Variants in EVI5 observed in about 807,000 individuals in gnomAD.
The protein encoded by EVI5 is ecotropic viral integration site 5.
A neutral mutation model predicts 112.0 loss-of-function variants in EVI5; 73 were observed. The ratio of observed to expected loss-of-function variants is 0.65; its 90% confidence interval spans 0.54 to 0.79. The LOEUF is 0.79. Among genes scored for constraint, EVI5 ranks in the 30% least tolerant of loss-of-function variants. EVI5 has a pLI of 0.00. For synonymous variants in EVI5, 305 were observed against 319.9 expected, an observed-to-expected ratio of 0.95 and a Z score of 0.50; for missense variants, 900 against 968.8, an observed-to-expected ratio of 0.93 and a Z score of 0.94.
chr1:92,772,740 T>C (rs975353054), intron 1 of EVI5, among the ~76,000 whole-genome samples: 17 of 151,656 alleles, frequency 1.1e-4, no homozygotes, highest in African/African-American at 3.9e-4. Flanking sequence ...ACCCTGTCTC[T>C]ACTAAAAATA....
chr1:92,652,652 C>T (rs1191402653), intron 13 of EVI5, among the ~76,000 whole-genome samples: 1 of 152,194 alleles, frequency 6.6e-6, no homozygotes, highest in East Asian at 1.9e-4. Context: ...TATCCATCAA[C>T]AGACAAACGG....
At chr1:92,543,858 T>C (rs561552638) in intron 19 of EVI5, among the ~76,000 whole-genome samples, 1 of 152,312 alleles carries the variant, frequency 6.6e-6, no homozygotes, top group Non-Finnish European at 1.5e-5. Flanking sequence ...ACTTGCTCAA[T>C]GCAGGATTGC....
In EVI5 at chr1:92,605,301, T is replaced by C. The variant is rs762625806; in HGVS notation, c.2070+6A>G. The C allele has an allele frequency of 6.3e-7, 1 of 1,578,460 alleles. No individual in the cohort carries two copies. Among genetic ancestry groups the C allele is most frequent in the East Asian group, 2.2e-5 (1 of 44,730 alleles). On this transcript the variant is annotated splice_donor_region_variant and intron_variant, in intron 18 of 19. Transcript: ENST00000684568. ...TTACATGTACTTTATTATTTTCATATGGTACCTGGATTTCAAGCTCAGCAA... is the reference window on the plus strand; with the variant it reads ...TTACATGTACTTTATTATTTTCATACGGTACCTGGATTTCAAGCTCAGCAA...
At chr1:92,588,544 A>G (rs1339102570) in intron 18 of EVI5, among the ~76,000 whole-genome samples, 1 of 152,174 alleles carries the variant, frequency 6.6e-6, no homozygotes, top group Non-Finnish European at 1.5e-5. Context: ...CATCCCTAAT[A>G]CCAATATCTT....
chr1:92,590,189 A>G (rs896688931), intron 18 of EVI5, among the ~76,000 whole-genome samples: 1 of 152,222 alleles, frequency 6.6e-6, no homozygotes, highest in Non-Finnish European at 1.5e-5. Context: ...AAAACTGAAA[A>G]TTCTAAAAAG....
At chr1:92,590,472 A>G (rs1262908068) in intron 18 of EVI5, among the ~76,000 whole-genome samples, 1 of 152,240 alleles carries the variant, frequency 6.6e-6, no homozygotes, top group Admixed American at 6.5e-5. Context: ...ATGAACGCAC[A>G]AGCCTCAGTA....
At chr1:92,623,923 T>C (rs1655105658) in intron 16 of EVI5, among the ~76,000 whole-genome samples, 1 of 152,252 alleles carries the variant, frequency 6.6e-6, no homozygotes, top group African/African-American at 2.4e-5. Flanking sequence ...AACAGGGCAA[T>C]GCTATGAGTT....
intron 19 of EVI5, among the ~76,000 whole-genome samples, chr1:92,545,080 C>G (rs1429167561): frequency 6.6e-6 from 1 of 152,052 alleles, no homozygotes; most frequent in Non-Finnish European, 1.5e-5. Flanking sequence ...CTACAGACTC[C>G]CAACCACAAT....
intron 2 of EVI5, among the ~76,000 whole-genome samples, chr1:92,715,554 C>G (rs1178772110): frequency 6.6e-6 from 1 of 152,166 alleles, no homozygotes; most frequent in Non-Finnish European, 1.5e-5. Flanking sequence ...ACGCAGAAGA[C>G]GGGTGATTTC....
chr1:92,648,892 T>G (rs1035175749), intron 13 of EVI5, among the ~76,000 whole-genome samples: 2 of 152,210 alleles, frequency 1.3e-5, no homozygotes, highest in African/African-American at 4.8e-5. Context: ...TACCTCTGAG[T>G]TGAATAGCAG....
At chr1:92,730,736 A>G (rs995218199) in intron 2 of EVI5, among the ~76,000 whole-genome samples, 6 of 151,800 alleles carry the variant, frequency 4.0e-5, no homozygotes, top group African/African-American at 1.5e-4. Flanking sequence ...GGCCATATCC[A>G]AAAAATACAG....
At chr1:92,610,117 G>A (rs986828041) in intron 16 of EVI5, among the ~76,000 whole-genome samples, 4 of 152,052 alleles carry the variant, frequency 2.6e-5, no homozygotes, top group African/African-American at 9.7e-5. Flanking sequence ...GAACTCCTGA[G>A]CCCAAGTGAT....
intron 19 of EVI5, among the ~76,000 whole-genome samples, chr1:92,527,773 T>C (rs1281486267): frequency 6.6e-6 from 1 of 152,250 alleles, no homozygotes; most frequent in Admixed American, 6.5e-5. Context: ...CAGCATTGTC[T>C]GTGAGATTCA....
chr1:92,693,003 T>C (rs947963644), intron 9 of EVI5, among the ~76,000 whole-genome samples: 2 of 152,196 alleles, frequency 1.3e-5, no homozygotes, highest in Non-Finnish European at 2.9e-5. Flanking sequence ...AGAGACTTTA[T>C]TTTGAACTTT....
intron 2 of EVI5, among the ~76,000 whole-genome samples, chr1:92,713,416 T>C (rs1324549087): frequency 6.6e-6 from 1 of 151,686 alleles, no homozygotes; most frequent in African/African-American, 2.4e-5. Context: ...ATACATAAAT[T>C]AAGTTTTCAA....
intron 19 of EVI5, among the ~76,000 whole-genome samples, chr1:92,540,223 C>T (rs915542740): frequency 2.6e-5 from 4 of 152,184 alleles, no homozygotes; most frequent in African/African-American, 9.6e-5. Flanking sequence ...ACTGCTAGGT[C>T]ATATAGCAAC....
chr1:92,645,536 C>T (rs1028658075), intron 13 of EVI5, among the ~76,000 whole-genome samples: 1 of 152,156 alleles, frequency 6.6e-6, no homozygotes, highest in Admixed American at 6.5e-5. Context: ...AATTTCTAAT[C>T]TTTGCAACTG....
chr1:92,724,631 A>C (rs1675277949), intron 2 of EVI5, among the ~76,000 whole-genome samples: 1 of 152,042 alleles, frequency 6.6e-6, no homozygotes, highest in Non-Finnish European at 1.5e-5. Context: ...AACACGGCGA[A>C]ACCCCATCTC....
intron 13 of EVI5, among the ~76,000 whole-genome samples, chr1:92,656,520 A>G (rs1215567935): frequency 1.3e-5 from 2 of 152,010 alleles, no homozygotes; most frequent in African/African-American, 4.8e-5. Context: ...GCAGAAGAAC[A>G]GAAATAACAA....
Sources: allele counts gnomAD v4.1 joint callset (sites outside exome capture counted in the v4.1 genomes callset), GRCh38; gene constraint gnomAD v4.1.1; transcripts MANE v1.5; gene names NCBI Gene and HGNC (gene_info 2026-07-23, HGNC 2026-07-21).